Variants in CCN6 observed in about 807,000 individuals in gnomAD.
CCN6 encodes the protein CCN family member 6.
A neutral mutation model predicts 37.4 loss-of-function variants in CCN6; 31 were observed. That is an observed-to-expected ratio of 0.83 (90% CI 0.62 to 1.12). The LOEUF (loss-of-function observed/expected upper bound fraction) is 1.12. CCN6 is among the 50% of genes most tolerant of loss of function. The probability of loss-of-function intolerance (pLI) is 0.00; values close to 1 mark genes in which losing one functional copy is unlikely to be tolerated. For synonymous variants in CCN6, 137 were observed against 142.1 expected (o/e 0.96, Z 0.26); for missense variants, 369 against 413.8 (o/e 0.89, Z 0.94).
chr6:112,057,406 G>A (rs1323306081), intron 1 of CCN6, among the ~76,000 whole-genome samples: 2 of 152,222 alleles, frequency 1.3e-5, no homozygotes, highest in Non-Finnish European at 2.9e-5. Context: ...AGGTCAGTCA[G>A]GAACTCGTAG....
intron 2 of CCN6, among the ~76,000 whole-genome samples, chr6:112,062,102 G>A (rs1407626195): frequency 6.6e-6 from 1 of 152,104 alleles, no homozygotes; most frequent in African/African-American, 2.4e-5. Context: ...TGTATTGTAT[G>A]GTTAAAAATG....
At chr6:112,068,993 ACTGT>A (rs1248448547) in intron 4 of CCN6, among the ~76,000 whole-genome samples, 40 of 152,330 alleles carry the variant, frequency 2.6e-4, no homozygotes, top group African/African-American at 9.6e-4. Flanking sequence ...TCCACTGAAA[ACTGT>A]CTGGGCTGTG....
chr6:112,068,271 G>T lies in CCN6; in HGVS notation c.656G>T (p.Cys219Phe). 6.2e-7 allele frequency: 1 copy of T among 1,611,952 alleles called. No individual in the cohort carries two copies. The highest frequency in any genetic ancestry group is 8.5e-7 in the Non-Finnish European group (1 of 1,179,310). The change falls in exon 4 of 5, where the codon TGC (cysteine) becomes TTC (phenylalanine). Residue 219 changes from cysteine (C) to phenylalanine (F), a missense_variant. Transcript: ENST00000368666. ...GTGCAAGCAACAAAATGGACTCCCT[G>T]CTCCAGAACATGTGGGATGGGAATA... ...CLVQATKWTP[C>F]SRTCGMGISN...
At chr6:112,058,978 T>G (rs1338835738) in intron 1 of CCN6, among the ~76,000 whole-genome samples, 1 of 152,192 alleles carries the variant, frequency 6.6e-6, no homozygotes, top group Non-Finnish European at 1.5e-5. Flanking sequence ...AAAGTGCATA[T>G]GTACCATAGC....
At position 112,061,055 on chromosome 6, in the gene CCN6, T is replaced by C. The variant is rs782191575; in HGVS notation, c.113T>C (p.Val38Ala). Reference protein sequence around the residue: ...DTTPEGRPGEVSDAPQRKQFC... With the variant: ...DTTPEGRPGEASDAPQRKQFC... The stretch of plus-strand genomic sequence containing the variant: ...ACACCTGAAGGAAGGCCTGGAGAAG[T>C]GTCAGATGCACCTCAGCGTAAACAG... Residue 38 changes from valine to alanine, a missense_variant, in exon 2 of 5, where the codon GTG becomes GCG. Transcript: ENST00000368666. 17 of 1,614,004 alleles carry C rather than the reference T, an allele frequency of 1.1e-5. No individual in the cohort carries two copies. Among genetic ancestry groups the C allele is most frequent in the Non-Finnish European group, 1.3e-5 (15 of 1,180,018 alleles).
At chr6:112,066,254 AG>A (rs1554313941) in intron 3 of CCN6, among the ~76,000 whole-genome samples, 1 of 152,050 alleles carries the variant, frequency 6.6e-6, no homozygotes, top group African/African-American at 2.4e-5. Flanking sequence ...TGAAATTATA[AG>A]CCATGTCCTT....
At chr6:112,068,133 A>C in intron 3 of CCN6, 72 bp from the exon 4 acceptor site, 1 of 1,239,136 alleles carries the variant, frequency 8.1e-7, no homozygotes, top group Non-Finnish European at 1.1e-6. Flanking sequence ...AACATTAAAC[A>C]TGATTAAAAA....
chr6:112,054,135 G>A lies in CCN6; in HGVS notation c.-223G>A. ...GACCTGTGACACGCTCACTGCGAAGGCAGGTTATTAGAAGAGTCCCATGAA... is the reference window on the plus strand; with the variant it reads ...GACCTGTGACACGCTCACTGCGAAGACAGGTTATTAGAAGAGTCCCATGAA... On this transcript the variant is annotated 5_prime_UTR_variant, in exon 1 of 5. Transcript: ENST00000368666. 1 of 733,654 alleles carries A rather than the reference G, an allele frequency of 1.4e-6. No homozygotes were observed. Among genetic ancestry groups the A allele is most frequent in the Non-Finnish European group, 2.5e-6 (1 of 401,216 alleles). 45.4% of individuals were successfully genotyped at this position (733,654 alleles called of 1,614,324 possible).
At chr6:112,065,481 A>T (rs892877281) in intron 3 of CCN6, among the ~76,000 whole-genome samples, 1 of 152,158 alleles carries the variant, frequency 6.6e-6, no homozygotes, top group Non-Finnish European at 1.5e-5. Context: ...GAACTTGTAA[A>T]TATTATTTCT....
intron 3 of CCN6, 129 bp from the exon 4 acceptor site, chr6:112,068,076 C>T: frequency 1.3e-6 from 1 of 773,180 alleles, no homozygotes; most frequent in Non-Finnish European, 1.9e-6. Context: ...AGACCATCGG[C>T]TTCTTTTATT....
intron 3 of CCN6, among the ~76,000 whole-genome samples, 188 bp from the exon 4 acceptor site, chr6:112,068,017 T>C (rs1479123245): frequency 4.6e-5 from 7 of 152,092 alleles, no homozygotes; most frequent in African/African-American, 1.7e-4. Context: ...TAATACTTGA[T>C]TGAAAGTTAA....
chr6:112,066,183 A>G (rs1464288428), intron 3 of CCN6, among the ~76,000 whole-genome samples: 3 of 152,210 alleles, frequency 2.0e-5, no homozygotes, highest in African/African-American at 7.2e-5. Flanking sequence ...GGTTGTTGTG[A>G]ATTTGCATTT....
chr6:112,062,729 A>G (rs1201015091), intron 2 of CCN6, among the ~76,000 whole-genome samples: 1 of 152,224 alleles, frequency 6.6e-6, no homozygotes, highest in Non-Finnish European at 1.5e-5. Context: ...CAGAGTCAGT[A>G]GTTTTGACCA....
Position 112,060,913 on chromosome 6 carries a change from T to A in CCN6, c.49-78T>A. 3 of 1,556,824 alleles carry A rather than the reference T, an allele frequency of 1.9e-6. No individual in the cohort carries two copies. In the East Asian group the frequency reaches 6.7e-5, roughly 35 times the overall value. On this transcript the variant is annotated intron_variant, in intron 1 of 4. Coordinates refer to ENST00000368666, the MANE Select transcript of CCN6 (RefSeq NM_198239.2). ...ACTCACCACTCTGTATACTACCTGTTTGGGGGAAATCTTCTATTCCTGTTA... is the reference window on the plus strand; with the variant it reads ...ACTCACCACTCTGTATACTACCTGTATGGGGGAAATCTTCTATTCCTGTTA...
rs781783002 is a variant in CCN6 at position 112,069,486 on chromosome 6, A to G, written c.931A>G (p.Lys311Glu). The G allele has an allele frequency of 2.5e-6, 4 of 1,613,798 alleles. No individual in the cohort carries two copies. In the Admixed American group the frequency reaches 6.7e-5, roughly 27 times the overall value. The change falls in exon 5 of 5, where the codon AAA (lysine) becomes GAA (glutamate). Residue 311 changes from lysine to glutamate, a missense_variant. Lys to Glu is a moderately conservative substitution (Grantham distance 56, BLOSUM62 1). Coordinates refer to ENST00000368666, the MANE Select transcript of CCN6 (RefSeq NM_198239.2). ...DKRCCIPNKSKMITIQFDCPN... is the reference protein window; with the variant it reads ...DKRCCIPNKSEMITIQFDCPN... ...GAGATGCTGTATCCCTAATAAGTCTAAAATGATTACTATTCAATTTGATTG... is the reference window on the plus strand; with the variant it reads ...GAGATGCTGTATCCCTAATAAGTCTGAAATGATTACTATTCAATTTGATTG...
At chr6:112,054,066 C>A, upstream of CCN6, 1 of 590,656 alleles carries the variant, frequency 1.7e-6, no homozygotes, top group Non-Finnish European at 3.1e-6. Context: ...TCACTACTTG[C>A]CCTGCCCTCC....
In CCN6 at chr6:112,057,667, G is replaced by A. The variant is rs587772257; in HGVS notation, c.48+3262G>A. 2.0e-5 allele frequency among the ~76,000 whole-genome samples: 3 copies of A among 152,294 alleles called. No homozygotes were observed. The South Asian group carries it at 6.2e-4, about 32-fold the overall frequency. ...TAGGTAGTTATCTCACGGGTCCAGG[G>A]CTCAGTGGAGAAGTCCAGGCTGGAA... On this transcript the variant is annotated intron_variant, in intron 1 of 4. Transcript: ENST00000368666.
chr6:112,064,094 C>T (rs1191658071), intron 2 of CCN6, among the ~76,000 whole-genome samples: 1 of 152,160 alleles, frequency 6.6e-6, no homozygotes, highest in Non-Finnish European at 1.5e-5. Context: ...TGCCAAGGCA[C>T]CAGCAGTTCA....
intron 1 of CCN6, among the ~76,000 whole-genome samples, chr6:112,060,453 A>G (rs1554312578): frequency 6.6e-6 from 1 of 152,208 alleles, no homozygotes; most frequent in African/African-American, 2.4e-5. Flanking sequence ...GTCAAGCATG[A>G]TCTGATCTCA....
Sources: gnomAD v4.1 joint callset for allele counts (sites outside exome capture counted in the v4.1 genomes callset) on GRCh38, gnomAD v4.1.1 for gene constraint, MANE v1.5 for transcripts, NCBI Gene and HGNC (gene_info 2026-07-23, HGNC 2026-07-21) for gene names.